The following TANGO6 variants were observed in gnomAD, a reference collection of about 807,000 sequenced individuals.
TANGO6 encodes transport and Golgi organization protein 6 homolog.
Under a neutral mutation model 114.2 loss-of-function variants are expected in TANGO6, and 90 were observed. The observed-to-expected ratio is 0.79, with a 90% CI of 0.66 to 0.94. TANGO6 has a LOEUF of 0.94. Ranked by LOEUF, TANGO6 falls within the 40% of genes least tolerant of loss-of-function variation. The probability of loss-of-function intolerance (pLI) is 0.00; values close to 1 mark genes in which losing one functional copy is unlikely to be tolerated. For synonymous variants in TANGO6, 477 were observed against 509.8 expected (o/e 0.94, Z 0.87); for missense variants, 1,274 against 1,315.3 (o/e 0.97, Z 0.49).
At chr16:69,013,390 A>T (rs1959229604) in intron 15 of TANGO6, among the ~76,000 whole-genome samples, 1 of 152,020 alleles carries the variant, frequency 6.6e-6, no homozygotes, top group Non-Finnish European at 1.5e-5. Context: ...CTGAGGTGGG[A>T]GGATCACTTG....
At chr16:68,911,947 A>C (rs989159982) in intron 11 of TANGO6, among the ~76,000 whole-genome samples, 1 of 152,242 alleles carries the variant, frequency 6.6e-6, no homozygotes, top group Non-Finnish European at 1.5e-5. Flanking sequence ...AGATCATTAA[A>C]AGGAATAATG....
intron 11 of TANGO6, among the ~76,000 whole-genome samples, chr16:68,915,453 G>C (rs1962990529): frequency 6.6e-6 from 1 of 152,066 alleles, no homozygotes; most frequent in Non-Finnish European, 1.5e-5. Context: ...TTTTTCTAGA[G>C]ACAGGGTCTC....
chr16:68,937,818 G>A (rs1963314577), intron 14 of TANGO6: 1 of 151,968 alleles, frequency 6.6e-6, no homozygotes, highest in Non-Finnish European at 1.5e-5. Context: ...CCACTTTTTG[G>A]CTATTATGAC....
chr16:69,013,498 T>A (rs928142976), intron 15 of TANGO6, among the ~76,000 whole-genome samples: 1 of 151,644 alleles, frequency 6.6e-6, no homozygotes, highest in African/African-American at 2.4e-5. Flanking sequence ...GCGCCTGTGG[T>A]CCCAGCTACT....
chr16:69,012,344 G>A (rs763387616), intron 15 of TANGO6, among the ~76,000 whole-genome samples: 3 of 151,962 alleles, frequency 2.0e-5, no homozygotes, highest in Non-Finnish European at 4.4e-5. Context: ...ATCACCTGAG[G>A]TTGGGAGTTC....
At chr16:68,986,886 A>G (rs143685886) in intron 15 of TANGO6, among the ~76,000 whole-genome samples, 225 of 152,200 alleles carry the variant, frequency 1.5e-3, no homozygotes, top group African/African-American at 4.8e-3. Flanking sequence ...GCCTGGGGAT[A>G]GAGTGAGACC....
chr16:69,024,487 T>G (rs568199178), intron 16 of TANGO6, among the ~76,000 whole-genome samples: 15 of 152,242 alleles, frequency 9.9e-5, no homozygotes, highest in Non-Finnish European at 1.6e-4. Context: ...CAGACTGGTC[T>G]TGAACTCCTG....
At chr16:68,982,605 C>T (rs1334287296) in intron 15 of TANGO6, among the ~76,000 whole-genome samples, 1 of 146,022 alleles carries the variant, frequency 6.8e-6, no homozygotes, top group East Asian at 2.0e-4. Context: ...GCTGGGATTA[C>T]AGGCATGAGC....
intron 15 of TANGO6, among the ~76,000 whole-genome samples, chr16:68,976,182 C>T (rs1007894810): frequency 3.9e-5 from 6 of 152,154 alleles, no homozygotes; most frequent in Non-Finnish European, 8.8e-5. Context: ...AGTCTTCCCA[C>T]CTTGGCTTCA....
At chr16:68,930,366 T>C (rs1963224192) in intron 14 of TANGO6, 71 bp downstream of exon 14, 6 of 1,343,482 alleles carry the variant, frequency 4.5e-6, no homozygotes, top group Non-Finnish European at 6.3e-6. Context: ...TTGCACAAAA[T>C]CTCTAAAGTC....
At chr16:69,078,766 G>C (rs1162961825) in intron 17 of TANGO6, among the ~76,000 whole-genome samples, 1 of 151,816 alleles carries the variant, frequency 6.6e-6, no homozygotes, top group African/African-American at 2.4e-5. Context: ...TTTTGAGACA[G>C]AGTCTTGCTC....
intron 17 of TANGO6, among the ~76,000 whole-genome samples, chr16:69,060,490 G>A (rs908579627): frequency 7.2e-5 from 11 of 151,832 alleles, no homozygotes; most frequent in African/African-American, 2.7e-4. Flanking sequence ...AGCTACTTTG[G>A]AAACTGAGGC....
At chr16:68,987,222 T>A (rs954378137) in intron 15 of TANGO6, among the ~76,000 whole-genome samples, 1 of 152,196 alleles carries the variant, frequency 6.6e-6, no homozygotes, top group African/African-American at 2.4e-5. Flanking sequence ...AATAAAAATA[T>A]ATTTTTATAT....
chr16:69,005,509 C>T (rs1440512417), intron 15 of TANGO6, among the ~76,000 whole-genome samples: 1 of 151,972 alleles, frequency 6.6e-6, no homozygotes, highest in Non-Finnish European at 1.5e-5. Flanking sequence ...CAAAAGGTAG[C>T]GGCCAGGCAC....
chr16:68,891,878 A>C (rs908734204), intron 7 of TANGO6, among the ~76,000 whole-genome samples: 6 of 140,414 alleles, frequency 4.3e-5, no homozygotes, highest in Non-Finnish European at 3.1e-5. Flanking sequence ...AGGGAAAGGA[A>C]AGAGGGAGGG....
intron 7 of TANGO6, among the ~76,000 whole-genome samples, chr16:68,886,044 T>C (rs932969154): frequency 2.0e-5 from 3 of 152,168 alleles, no homozygotes; most frequent in African/African-American, 7.2e-5. Flanking sequence ...CTGGCCAAAA[T>C]TTTTTACCTG....
chr16:68,939,565 G>A (rs1963330781), intron 14 of TANGO6, among the ~76,000 whole-genome samples: 4 of 148,182 alleles, frequency 2.7e-5, no homozygotes, highest in Admixed American at 2.7e-4. Flanking sequence ...TCCACTAGGT[G>A]TACTAAAAGG....
chr16:68,886,710 C>A (rs562980359), intron 7 of TANGO6, among the ~76,000 whole-genome samples: 1 of 151,840 alleles, frequency 6.6e-6, no homozygotes, highest in Non-Finnish European at 1.5e-5. Context: ...GGGGTTTCAC[C>A]ATGTTGACCA....
At chr16:68,885,361 A>G (rs1220923725) in intron 7 of TANGO6, among the ~76,000 whole-genome samples, 2 of 152,162 alleles carry the variant, frequency 1.3e-5, no homozygotes, top group Non-Finnish European at 2.9e-5. Context: ...TAGTATGTTC[A>G]TAGGGTTTTG....
Sources: allele counts gnomAD v4.1 joint callset (sites outside exome capture counted in the v4.1 genomes callset), GRCh38; gene constraint gnomAD v4.1.1; transcripts MANE v1.5; gene names NCBI Gene and HGNC (gene_info 2026-07-23, HGNC 2026-07-21).